Variants in ZBTB7C observed in about 807,000 individuals in gnomAD.
The protein encoded by ZBTB7C is zinc finger and BTB domain-containing protein 7C.
A neutral mutation model predicts 25.7 loss-of-function variants in ZBTB7C; 8 were observed. That is an observed-to-expected ratio of 0.31 (90% CI 0.18 to 0.56). The LOEUF (loss-of-function observed/expected upper bound fraction) is 0.56, where lower values mean the gene tolerates loss of function less well. ZBTB7C is among the 20% of genes least tolerant of loss of function. ZBTB7C has a pLI of 0.91. For missense variants in ZBTB7C, 824 were observed against 855.2 expected (o/e 0.96, Z 0.46); for synonymous variants, 394 against 369.0 (o/e 1.07, Z -0.78).
At chr18:48,266,272 A>G (rs79089194) in intron 2 of ZBTB7C, among the ~76,000 whole-genome samples, 8,362 of 152,188 alleles carry the variant, frequency 0.055, 510 homozygotes, top group African/African-American at 0.15. Flanking sequence ...CACTGACTCC[A>G]CGGCAGGGAG....
At chr18:48,270,595 C>A (rs1260540681) in intron 2 of ZBTB7C, among the ~76,000 whole-genome samples, 1 of 149,468 alleles carries the variant, frequency 6.7e-6, no homozygotes, top group Non-Finnish European at 1.5e-5. Flanking sequence ...GAGGCTGAGG[C>A]ACGAGAATCA....
At chr18:48,182,985 T>G (rs980961329) in intron 3 of ZBTB7C, among the ~76,000 whole-genome samples, 1 of 152,186 alleles carries the variant, frequency 6.6e-6, no homozygotes, top group Admixed American at 6.5e-5. Context: ...TAATAATTAT[T>G]ATTTGCAATG....
rs113835334 is a variant in ZBTB7C at position 48,191,225 on chromosome 18, T to G, written c.-78-5230A>C. On this transcript the variant is annotated intron_variant, in intron 2 of 4. Coordinates refer to ENST00000590800, the MANE Select transcript of ZBTB7C (RefSeq NM_001318841.2). ...GAGCACATGGCCACCCCTCAGTGAG[T>G]GTCTGTGGCTGGGAGGATGGCCAGG... Among the ~76,000 whole-genome samples the G allele has an allele frequency of 3.1e-3, 465 of 152,136 alleles. 1 individual carries two copies. Among genetic ancestry groups the G allele is most frequent in the African/African-American group, 0.011 (456 of 41,500 alleles).
intron 1 of ZBTB7C, among the ~76,000 whole-genome samples, chr18:48,363,102 G>C (rs558164873): frequency 6.6e-6 from 1 of 152,306 alleles, no homozygotes; most frequent in Admixed American, 6.5e-5. Flanking sequence ...GTGTGGGATC[G>C]AATGAATTAA....
chr18:48,068,283 G>A (rs1007546294), intron 3 of ZBTB7C, among the ~76,000 whole-genome samples: 3 of 151,702 alleles, frequency 2.0e-5, no homozygotes, highest in African/African-American at 4.8e-5. Flanking sequence ...GGACTACTCG[G>A]TGCCTGCCAC....
At chr18:48,165,259 T>A in intron 3 of ZBTB7C, 1 of 526,904 alleles carries the variant, frequency 1.9e-6, no homozygotes, top group Admixed American at 2.4e-5. Flanking sequence ...CAGCTCTGTC[T>A]GGGAGAAATG....
intron 2 of ZBTB7C, among the ~76,000 whole-genome samples, chr18:48,241,731 T>C (rs1327654719): frequency 6.6e-6 from 1 of 152,136 alleles, no homozygotes; most frequent in East Asian, 1.9e-4. Context: ...GTTCATTGCA[T>C]TAAATGCCTA....
At chr18:48,271,633 A>C (rs1480971054) in intron 2 of ZBTB7C, among the ~76,000 whole-genome samples, 2 of 150,270 alleles carry the variant, frequency 1.3e-5, no homozygotes, top group Non-Finnish European at 3.0e-5. Context: ...TATCAACTAC[A>C]ATTTTCCATT....
At chr18:48,272,866 G>C (rs2144585374) in intron 2 of ZBTB7C, among the ~76,000 whole-genome samples, 1 of 152,222 alleles carries the variant, frequency 6.6e-6, no homozygotes, top group African/African-American at 2.4e-5. Context: ...GATGAATCTT[G>C]AAAACATTAT....
intron 1 of ZBTB7C, among the ~76,000 whole-genome samples, chr18:48,365,551 C>A (rs2047203296): frequency 6.6e-6 from 1 of 152,144 alleles, no homozygotes; most frequent in African/African-American, 2.4e-5. Flanking sequence ...CTGAATGTCG[C>A]CAATAACCAT....
intron 3 of ZBTB7C, among the ~76,000 whole-genome samples, chr18:48,105,589 G>C (rs1023777943): frequency 6.6e-6 from 1 of 152,154 alleles, no homozygotes; most frequent in Non-Finnish European, 1.5e-5. Flanking sequence ...TCCAGGGAGT[G>C]AGGGGCATGG....
rs560313842 is a variant in ZBTB7C at position 48,359,682 on chromosome 18, C to T, written c.-303-21284G>A. Among the ~76,000 whole-genome samples the T allele has an allele frequency of 7.9e-5, 12 of 152,330 alleles. No homozygotes were observed. The East Asian group carries it at 2.1e-3, about 27-fold the overall frequency. On this transcript the variant is annotated intron_variant, in intron 1 of 4. Transcript: ENST00000590800. ...CTGCGATGTCACTTTGTGACTGTAA[C>T]AGGCTGTCCTTTTCCTTTTGCCCAA... is the stretch of plus-strand genomic sequence containing the variant.
At chr18:48,261,268 T>C (rs1353639131) in intron 2 of ZBTB7C, among the ~76,000 whole-genome samples, 1 of 152,146 alleles carries the variant, frequency 6.6e-6, no homozygotes, top group African/African-American at 2.4e-5. Flanking sequence ...TGCTTCTAGG[T>C]GGATTTAATA....
intron 3 of ZBTB7C, among the ~76,000 whole-genome samples, chr18:48,130,990 A>G (rs904478512): frequency 6.6e-6 from 1 of 152,068 alleles, no homozygotes; most frequent in South Asian, 2.1e-4. Context: ...TGCAACTCCC[A>G]CCTCCTGGGT....
chr18:48,354,332 T>C (rs754425429), intron 1 of ZBTB7C, among the ~76,000 whole-genome samples: 2 of 152,098 alleles, frequency 1.3e-5, no homozygotes, highest in African/African-American at 2.4e-5. Flanking sequence ...GCTTTACAAA[T>C]AGGTTTCTTA....
chr18:48,155,815 AATCTAGGGTTAGACT>A (rs1396439058), intron 3 of ZBTB7C, among the ~76,000 whole-genome samples: 18 of 152,276 alleles, frequency 1.2e-4, no homozygotes, highest in Non-Finnish European at 1.5e-5. Flanking sequence ...AGTGCAAACC[AATCTAGGGTTAGACT>A]AGAAAAACCA....
chr18:48,032,728 C>T (rs558115141), intron 4 of ZBTB7C, among the ~76,000 whole-genome samples: 1 of 152,160 alleles, frequency 6.6e-6, no homozygotes, highest in African/African-American at 2.4e-5. Flanking sequence ...GAGCCACCGC[C>T]CCTGGCCAGG....
At chr18:48,048,157 G>A (rs892135135) in intron 3 of ZBTB7C, among the ~76,000 whole-genome samples, 13 of 152,174 alleles carry the variant, frequency 8.5e-5, no homozygotes, top group African/African-American at 3.1e-4. Flanking sequence ...TGACTAAGGA[G>A]TATGGAGTGC....
chr18:48,346,216 A>AC (rs1386824784), intron 1 of ZBTB7C, among the ~76,000 whole-genome samples: 1 of 152,128 alleles, frequency 6.6e-6, no homozygotes, highest in African/African-American at 2.4e-5. Context: ...CCCCAGCTTC[A>AC]CCCCACAAAG....
Sources: gnomAD v4.1 joint callset for allele counts (sites outside exome capture counted in the v4.1 genomes callset) on GRCh38, gnomAD v4.1.1 for gene constraint, MANE v1.5 for transcripts, NCBI Gene and HGNC (gene_info 2026-07-23, HGNC 2026-07-21) for gene names.